Variants in PAPOLA observed in about 807,000 individuals in gnomAD.
PAPOLA encodes the protein poly(A) polymerase alpha, also known as polynucleotide adenylyltransferase alpha.
A neutral mutation model predicts 100.6 loss-of-function variants in PAPOLA; 15 were observed. The observed-to-expected ratio is 0.15, with a 90% CI of 0.10 to 0.23. PAPOLA has a LOEUF of 0.23. PAPOLA is among the 10% of genes least tolerant of loss of function. The pLI, the probability that PAPOLA is intolerant of heterozygous loss-of-function variation, is 1.00. For synonymous variants in PAPOLA, 293 were observed against 300.0 expected, an observed-to-expected ratio of 0.98 and a Z score of 0.24; for missense variants, 533 against 884.2, an observed-to-expected ratio of 0.60 and a Z score of 5.04.
intron 2 of PAPOLA, 23 bp from the exon 3 acceptor site, chr14:96,520,979 CTTGA>C (rs1310153216): frequency 8.8e-6 from 9 of 1,024,418 alleles, no homozygotes; most frequent in South Asian, 3.8e-5. Context: ...ATCTGGAATA[CTTGA>C]TTGATAATTG....
intron 17 of PAPOLA, among the ~76,000 whole-genome samples, chr14:96,555,631 A>G (rs1439945464): frequency 6.6e-6 from 1 of 151,844 alleles, no homozygotes; most frequent in Non-Finnish European, 1.5e-5. Flanking sequence ...TCAGGAAGTA[A>G]CATTAGACAG....
chr14:96,538,445 GT>G (rs1899713193), intron 12 of PAPOLA, among the ~76,000 whole-genome samples: 1 of 151,952 alleles, frequency 6.6e-6, no homozygotes, highest in South Asian at 2.1e-4. Context: ...TCTTTTAAAA[GT>G]TTTAAACTAT....
intron 10 of PAPOLA, 199 bp from the exon 11 acceptor site, chr14:96,535,680 T>G (rs562136382): frequency 1.2e-6 from 1 of 823,976 alleles, no homozygotes; most frequent in African/African-American, 1.8e-5. Context: ...TTGAAGCAGA[T>G]CATTAGTTTA....
chr14:96,507,448 C>T (rs1379410457), intron 1 of PAPOLA, among the ~76,000 whole-genome samples: 5 of 151,568 alleles, frequency 3.3e-5, no homozygotes, highest in Admixed American at 1.3e-4. Flanking sequence ...CCACTGCGCC[C>T]GGCTAATTTT....
chr14:96,508,408 G>C (rs1007069510), intron 1 of PAPOLA, among the ~76,000 whole-genome samples: 3 of 152,178 alleles, frequency 2.0e-5, no homozygotes, highest in Non-Finnish European at 4.4e-5. Flanking sequence ...GAGATGTGGT[G>C]TTCTGCCTTA....
intron 2 of PAPOLA, among the ~76,000 whole-genome samples, chr14:96,520,668 T>C (rs192525272): frequency 1.3e-3 from 195 of 152,340 alleles, no homozygotes; most frequent in Admixed American, 4.1e-3. Flanking sequence ...CTGAAAACTT[T>C]TATTTTCTAC....
chr14:96,525,671 A>G (rs756810175), intron 4 of PAPOLA, among the ~76,000 whole-genome samples: 1 of 152,174 alleles, frequency 6.6e-6, no homozygotes, highest in Non-Finnish European at 1.5e-5. Context: ...GGATTGCTTG[A>G]GCCCAGGGAG....
In PAPOLA at chr14:96,522,108, C is replaced by CTTTTT. The variant is rs1566840969; in HGVS notation, c.249+1039_249+1040insTTTTT. ...ATGAGCCACTGCATCTAGCCTCTTT[C>CTTTTT]TTTCTTTCTTTTTTTTTTTTTTTTT... On this transcript the variant is annotated intron_variant, in intron 3 of 21. Coordinates refer to ENST00000216277, the MANE Select transcript of PAPOLA (RefSeq NM_032632.5). Among the ~76,000 whole-genome samples, 4 of 98,340 alleles carry CTTTTT rather than the reference C, an allele frequency of 4.1e-5. No individual in the cohort carries two copies. The South Asian group carries it at 1.2e-3, about 29-fold the overall frequency. 64.5% of individuals were successfully genotyped at this position (98,340 alleles called of 152,430 possible).
chr14:96,537,206 T>G (rs1345375310), intron 12 of PAPOLA, 146 bp downstream of exon 12: 3 of 602,808 alleles, frequency 5.0e-6, no homozygotes, highest in Non-Finnish European at 6.0e-6. Context: ...AGTGAACTCC[T>G]TAGTTTTTTT....
intron 6 of PAPOLA, among the ~76,000 whole-genome samples, chr14:96,530,372 ATGTT>A (rs1426675059): frequency 4.0e-5 from 6 of 148,644 alleles, no homozygotes; most frequent in East Asian, 2.0e-4. Context: ...AAATATTGCC[ATGTT>A]TGTTTGTTTT....
chr14:96,503,645 A>C (rs1438913933), intron 1 of PAPOLA, among the ~76,000 whole-genome samples: 1 of 152,090 alleles, frequency 6.6e-6, no homozygotes, highest in Non-Finnish European at 1.5e-5. Context: ...TCATCTTAGT[A>C]GCCTCAAAAC....
intron 14 of PAPOLA, among the ~76,000 whole-genome samples, chr14:96,543,853 A>T (rs1038901577): frequency 5.3e-5 from 8 of 152,046 alleles, no homozygotes; most frequent in African/African-American, 1.9e-4. Flanking sequence ...TAGTTTAAAG[A>T]TAATTTTTCT....
rs1016181915 is a variant in PAPOLA, at chr14:96,566,523, A to T, written c.*1473A>T. On this transcript the variant is annotated 3_prime_UTR_variant, in exon 22 of 22. Transcript: ENST00000216277. ...TATCACATGTGCATTTTTCATGTTA[A>T]ACTGCAATTACTTAATCTCTTCCCC... 4 of 152,532 alleles carry T rather than the reference A, an allele frequency of 2.6e-5. No individual in the cohort carries two copies. The highest frequency in any genetic ancestry group is 5.9e-5 in the Non-Finnish European group (4 of 68,000). The allele number at this position is 152,532 out of a possible 1,614,324, so 9.4% of individuals were successfully genotyped here. A position where few individuals can be genotyped will look rare whatever the true frequency, so the allele number is the denominator to read the frequency against.
At chr14:96,511,014 G>T (rs535137236) in intron 1 of PAPOLA, among the ~76,000 whole-genome samples, 1 of 152,226 alleles carries the variant, frequency 6.6e-6, no homozygotes, top group South Asian at 2.1e-4. Flanking sequence ...CCTTTAAACA[G>T]CAAATTCTAC....
intron 19 of PAPOLA, 141 bp downstream of exon 19, chr14:96,556,554 T>C (rs1057267826): frequency 4.4e-6 from 3 of 675,962 alleles, no homozygotes; most frequent in African/African-American, 3.6e-5. Context: ...GTGTCTGTAG[T>C]GCTTTAGTGC....
At chr14:96,539,734 A>G (rs985517115) in intron 12 of PAPOLA, among the ~76,000 whole-genome samples, 4 of 152,118 alleles carry the variant, frequency 2.6e-5, no homozygotes, top group African/African-American at 7.2e-5. Flanking sequence ...TACATCAACA[A>G]AATGTCTAAT....
intron 2 of PAPOLA, 131 bp from the exon 3 acceptor site, chr14:96,520,875 C>T (rs1371025039): frequency 9.7e-6 from 6 of 616,682 alleles, no homozygotes; most frequent in African/African-American, 9.3e-5. Flanking sequence ...AGCGAGCGTG[C>T]ACTAACTACA....
chr14:96,537,214 T>G (rs2140295146), intron 12 of PAPOLA, 154 bp downstream of exon 12: 1 of 595,858 alleles, frequency 1.7e-6, no homozygotes. Context: ...CCTTAGTTTT[T>G]TTTGGTTGAG....
At chr14:96,531,332 A>G in intron 6 of PAPOLA, 143 bp from the exon 7 acceptor site, 3 of 623,480 alleles carry the variant, frequency 4.8e-6, no homozygotes, top group Middle Eastern at 4.4e-4. Context: ...GGGTTTCGCC[A>G]TGTTGCCCAG....
Sources: allele counts gnomAD v4.1 joint callset (sites outside exome capture counted in the v4.1 genomes callset), GRCh38; gene constraint gnomAD v4.1.1; transcripts MANE v1.5; gene names NCBI Gene and HGNC (gene_info 2026-07-23, HGNC 2026-07-21).